Variants in MTUS2 observed in about 807,000 individuals in gnomAD.
The protein encoded by MTUS2 is microtubule associated scaffold protein 2.
MTUS2 carries 40 observed loss-of-function variants against 114.1 expected under a neutral mutation model. The observed-to-expected ratio is 0.35, with a 90% confidence interval of 0.27 to 0.46. The LOEUF is 0.46. Among genes scored for constraint, MTUS2 ranks in the 20% least tolerant of loss-of-function variants. MTUS2 has a pLI of 1.00. For synonymous variants in MTUS2, 688 were observed against 672.0 expected (o/e 1.02, Z -0.37); for missense variants, 1,679 against 1,705.4 (o/e 0.98, Z 0.27).
At chr13:29,393,102 A>C (rs1031461770) in intron 8 of MTUS2, among the ~76,000 whole-genome samples, 1 of 152,210 alleles carries the variant, frequency 6.6e-6, no homozygotes, top group Admixed American at 6.5e-5. Flanking sequence ...GTACTGCGCC[A>C]GGGCCAGCTG....
chr13:29,035,259 A>G (rs1887009620), intron 4 of MTUS2, among the ~76,000 whole-genome samples: 2 of 152,172 alleles, frequency 1.3e-5, no homozygotes. Context: ...ATGGTTGATC[A>G]TTGGACACCC....
At chr13:29,233,404 T>C (rs564085484) in intron 5 of MTUS2, among the ~76,000 whole-genome samples, 1 of 152,246 alleles carries the variant, frequency 6.6e-6, no homozygotes, top group East Asian at 1.9e-4. Flanking sequence ...AGTAGGGAAG[T>C]GTACCCACCG....
chr13:29,318,671 G>A (rs1900124107), intron 6 of MTUS2, among the ~76,000 whole-genome samples: 2 of 152,102 alleles, frequency 1.3e-5, no homozygotes, highest in Admixed American at 1.3e-4. Context: ...ATGATGTCCG[G>A]TTCAGGAATA....
chr13:28,841,338 A>G (rs1332127335), intron 2 of MTUS2, among the ~76,000 whole-genome samples: 2 of 152,154 alleles, frequency 1.3e-5, no homozygotes, highest in African/African-American at 2.4e-5. Context: ...ATTAGAACAG[A>G]TAGGGGAAAA....
intron 4 of MTUS2, among the ~76,000 whole-genome samples, chr13:29,086,868 C>A (rs186303935): frequency 6.6e-6 from 1 of 152,110 alleles, no homozygotes; most frequent in Admixed American, 6.5e-5. Context: ...GTATTTTATT[C>A]TTTTTGTGGC....
chr13:28,943,702 C>G (rs1004086898), intron 2 of MTUS2, among the ~76,000 whole-genome samples: 1 of 152,046 alleles, frequency 6.6e-6, no homozygotes, highest in African/African-American at 2.4e-5. Flanking sequence ...ACACAGTGAA[C>G]CAGGGCTTTG....
At chr13:29,458,646 C>T (rs1879279116) in intron 9 of MTUS2, among the ~76,000 whole-genome samples, 1 of 152,172 alleles carries the variant, frequency 6.6e-6, no homozygotes, top group African/African-American at 2.4e-5. Context: ...GCCCTAATCT[C>T]TCTCTTATGA....
chr13:28,882,409 G>A (rs571345804), intron 2 of MTUS2, among the ~76,000 whole-genome samples: 24 of 152,040 alleles, frequency 1.6e-4, no homozygotes, highest in African/African-American at 4.8e-4. Flanking sequence ...ATATAACACC[G>A]AAAGCATGGC....
chr13:29,126,040 C>T (rs1383782243), intron 5 of MTUS2, among the ~76,000 whole-genome samples: 1 of 151,824 alleles, frequency 6.6e-6, no homozygotes, highest in Non-Finnish European at 1.5e-5. Flanking sequence ...TGTTCACTGT[C>T]TTTAACAGAC....
intron 8 of MTUS2, among the ~76,000 whole-genome samples, chr13:29,430,689 A>G (rs1383101576): frequency 2.6e-5 from 4 of 152,220 alleles, no homozygotes; most frequent in Admixed American, 6.5e-5. Flanking sequence ...TAAAAAACAC[A>G]TTGTTTTATG....
At chr13:29,407,501 G>A (rs1874862525) in intron 8 of MTUS2, among the ~76,000 whole-genome samples, 1 of 146,880 alleles carries the variant, frequency 6.8e-6, no homozygotes, top group Non-Finnish European at 1.5e-5. Flanking sequence ...TTTTGAGATG[G>A]AGTTTCGCTC....
At chr13:29,200,672 C>T (rs1175575426) in intron 5 of MTUS2, among the ~76,000 whole-genome samples, 1 of 151,934 alleles carries the variant, frequency 6.6e-6, no homozygotes, top group African/African-American at 2.4e-5. Flanking sequence ...AGGCACACAC[C>T]ACCATGCCCA....
At chr13:29,431,463 T>C (rs565407116) in intron 8 of MTUS2, among the ~76,000 whole-genome samples, 1 of 152,258 alleles carries the variant, frequency 6.6e-6, no homozygotes, top group Non-Finnish European at 1.5e-5. Context: ...AACTTATAAG[T>C]GGGTAGGCAA....
At chr13:29,232,041 G>A (rs563121253) in intron 5 of MTUS2, among the ~76,000 whole-genome samples, 1 of 152,120 alleles carries the variant, frequency 6.6e-6, no homozygotes, top group African/African-American at 2.4e-5. Context: ...ATTTACATTT[G>A]GCCTAAGAGT....
At chr13:28,866,435 C>T (rs905581659) in intron 2 of MTUS2, among the ~76,000 whole-genome samples, 2 of 152,132 alleles carry the variant, frequency 1.3e-5, no homozygotes, top group Admixed American at 6.6e-5. Context: ...TGTGCCGCCT[C>T]GAGCTTCTTG....
At chr13:29,276,705 C>G (rs1162703832) in intron 5 of MTUS2, among the ~76,000 whole-genome samples, 2 of 152,142 alleles carry the variant, frequency 1.3e-5, no homozygotes, top group Non-Finnish European at 2.9e-5. Flanking sequence ...CAAGACCAGC[C>G]TGGCCAACAT....
intron 2 of MTUS2, among the ~76,000 whole-genome samples, chr13:28,848,719 C>T (rs921781401): frequency 2.6e-5 from 4 of 152,040 alleles, no homozygotes; most frequent in Non-Finnish European, 4.4e-5. Flanking sequence ...CTGCCAATCC[C>T]GCTGCTGTTG....
At chr13:29,491,849 G>A (rs1451081563) in intron 11 of MTUS2, among the ~76,000 whole-genome samples, 3 of 147,436 alleles carry the variant, frequency 2.0e-5, no homozygotes, top group Non-Finnish European at 4.5e-5. Flanking sequence ...GTGTGTGTGT[G>A]GCATGTGCCA....
At chr13:28,856,101 A>C (rs1401171096) in intron 2 of MTUS2, among the ~76,000 whole-genome samples, 2 of 152,204 alleles carry the variant, frequency 1.3e-5, no homozygotes, top group African/African-American at 4.8e-5. Flanking sequence ...CTCTTTAAGA[A>C]ACAGAAGAAG....
Sources: allele counts gnomAD v4.1 joint callset (sites outside exome capture counted in the v4.1 genomes callset), GRCh38; gene constraint gnomAD v4.1.1; transcripts MANE v1.5; gene names NCBI Gene and HGNC (gene_info 2026-07-23, HGNC 2026-07-21).